Variants in PIEZO2 observed in about 807,000 individuals in gnomAD.
The protein encoded by PIEZO2 is piezo type mechanosensitive ion channel component 2, also known as piezo-type mechanosensitive ion channel component 2.
In PIEZO2, 172 loss-of-function variants were observed where a neutral mutation model predicts 337.3. The ratio of observed to expected loss-of-function variants is 0.51; its 90% CI spans 0.45 to 0.58. The LOEUF (loss-of-function observed/expected upper bound fraction) is 0.58. Ranked by LOEUF, PIEZO2 falls within the 20% of genes least tolerant of loss-of-function variation. The probability of loss-of-function intolerance (pLI) is 0.00; values close to 1 mark genes in which losing one functional copy is unlikely to be tolerated. For missense variants in PIEZO2, 3,028 were observed against 3,391.3 expected (o/e 0.89, Z 2.66); for synonymous variants, 1,251 against 1,228.5 (o/e 1.02, Z -0.38).
chr18:10,760,950 T>C lies in PIEZO2; in HGVS notation c.3411A>G (p.Lys1137=). 1 of 1,534,450 alleles carries C rather than the reference T, an allele frequency of 6.5e-7. No homozygotes were observed. The highest frequency in any genetic ancestry group is 2.4e-5 in the East Asian group (1 of 40,898). ...TGTAAAAGAAGTAATTAATGAAATA[T>C]TTGGCACAATTAATAAGTCCATCAT... ...HLDDGLINCA[K]YFINYFFYKF... is the part of the protein sequence containing the mutation. Residue 1137 remains lysine, a synonymous_variant, in exon 24 of 56, where the codon AAA becomes AAG. Coordinates refer to ENST00000674853, the MANE Select transcript of PIEZO2 (RefSeq NM_001378183.1).
chr18:10,874,575 A>G (rs965324540), intron 4 of PIEZO2, among the ~76,000 whole-genome samples: 3 of 152,192 alleles, frequency 2.0e-5, no homozygotes, highest in African/African-American at 7.2e-5. Flanking sequence ...GTGTCCATCA[A>G]CACTCAAGAA....
At chr18:10,891,858 GA>G (rs1418243010) in intron 4 of PIEZO2, among the ~76,000 whole-genome samples, 1 of 152,072 alleles carries the variant, frequency 6.6e-6, no homozygotes, top group African/African-American at 2.4e-5. Flanking sequence ...TAAAATAAAT[GA>G]AAATATAAAT....
intron 2 of PIEZO2, among the ~76,000 whole-genome samples, chr18:11,055,321 G>A (rs2037690092): frequency 6.6e-6 from 1 of 152,058 alleles, no homozygotes. Context: ...CTGAGTGGCA[G>A]GGTGTGCAAC....
In PIEZO2 at chr18:11,031,374, C is replaced by T. The variant is rs146715063; in HGVS notation, c.160+34753G>A. ...GTCTCCCCAGAAAACACATTTCCTA[C>T]GTCATTACTTTTGAAAGTATACTCC... On this transcript the variant is annotated intron_variant, in intron 2 of 55. Coordinates refer to ENST00000674853, the MANE Select transcript of PIEZO2 (RefSeq NM_001378183.1). This position sits in a 1 kb window ranked among gnomAD's most constrained non-coding sequence, Gnocchi z 4.7. Among the ~76,000 whole-genome samples, 5 of 151,982 alleles carry T rather than the reference C, an allele frequency of 3.3e-5. No homozygotes were observed. Among genetic ancestry groups the T allele is most frequent in the African/African-American group, 1.2e-4 (5 of 41,466 alleles).
At chr18:10,793,459 C>T (rs2039478496) in intron 13 of PIEZO2, among the ~76,000 whole-genome samples, 1 of 152,064 alleles carries the variant, frequency 6.6e-6, no homozygotes, top group Admixed American at 6.6e-5. Flanking sequence ...ATGTTTTCCT[C>T]CTAAAGAACT....
chr18:10,681,040 T>A (rs2034241619), intron 51 of PIEZO2, among the ~76,000 whole-genome samples: 1 of 152,362 alleles, frequency 6.6e-6, no homozygotes, highest in Middle Eastern at 3.4e-3. Flanking sequence ...ATAGCCTTTT[T>A]AAAATTTATG....
In PIEZO2 at chr18:11,035,463, A is replaced by T. The variant is rs1004674742; in HGVS notation, c.160+30664T>A. On this transcript the variant is annotated intron_variant, in intron 2 of 55. Coordinates refer to ENST00000674853, the MANE Select transcript of PIEZO2 (RefSeq NM_001378183.1). This position sits in a 1 kb window ranked among gnomAD's most constrained non-coding sequence, Gnocchi z 4.3. ...GTGCCGTGCTTGCACAGCCTGCAGG[A>T]CCATGAGTTAAATAAACCTGTTTCC... 1.3e-5 allele frequency among the ~76,000 whole-genome samples: 2 copies of T among 152,174 alleles called. No individual in the cohort carries two copies. Among genetic ancestry groups the T allele is most frequent in the Non-Finnish European group, 2.9e-5 (2 of 68,030 alleles).
intron 1 of PIEZO2, among the ~76,000 whole-genome samples, chr18:11,091,383 C>CAAAAAAAAAAAAAA (rs529307821): frequency 1.3e-5 from 1 of 77,860 alleles, no homozygotes; most frequent in African/African-American, 4.2e-5. Flanking sequence ...GACTCCGTCT[C>CAAAAAAAAAAAAAA]AAAAAAAAAA....
intron 10 of PIEZO2, among the ~76,000 whole-genome samples, chr18:10,800,910 A>G (rs1220839921): frequency 6.6e-6 from 1 of 152,220 alleles, no homozygotes; most frequent in Admixed American, 6.5e-5. Flanking sequence ...CCTATGCCCT[A>G]TGTGGCTCTG....
At chr18:10,722,149 CAAAAA>C (rs57201451) in intron 36 of PIEZO2, among the ~76,000 whole-genome samples, 9 of 125,400 alleles carry the variant, frequency 7.2e-5, no homozygotes, top group Admixed American at 1.8e-4. Flanking sequence ...GACTCCATCT[CAAAAA>C]AAAAAAAAAA....
intron 1 of PIEZO2, among the ~76,000 whole-genome samples, chr18:11,122,582 C>T (rs778160880): frequency 5.3e-5 from 8 of 151,926 alleles, no homozygotes; most frequent in Non-Finnish European, 7.4e-5. Context: ...AGAAAAAAAC[C>T]GAAGTTCTGA....
intron 47 of PIEZO2, among the ~76,000 whole-genome samples, chr18:10,693,356 T>TTGTGTGTGTGTGTG (rs1174582024): frequency 0.031 from 2,792 of 89,944 alleles, 72 homozygotes; most frequent in African/African-American, 0.075. Flanking sequence ...AATCTGGATT[T>TTGTGTGTGTGTGTG]TGTGTGTGTG....
intron 4 of PIEZO2, among the ~76,000 whole-genome samples, chr18:10,887,110 A>G (rs1373932991): frequency 8.4e-6 from 1 of 119,530 alleles, no homozygotes; most frequent in Non-Finnish European, 1.6e-5. Context: ...CGCTGTGTTG[A>G]CCAGACTGGA....
Position 10,834,667 on chromosome 18 carries a change from G to A in PIEZO2, c.917+20686C>T, listed in dbSNP as rs148210038. 1.7e-3 allele frequency among the ~76,000 whole-genome samples: 255 copies of A among 152,270 alleles called. 4 individuals carry two copies. The highest frequency in any genetic ancestry group is 5.8e-3 in the African/African-American group (239 of 41,554). ...ACTGTAGGAAGAAGAAGCCAAAGCC[G>A]CAGGAGGCTAGATCAGAGAGGAAGC... On this transcript the variant is annotated intron_variant, in intron 7 of 55. Coordinates refer to ENST00000674853, the MANE Select transcript of PIEZO2 (RefSeq NM_001378183.1). This position sits in a 1 kb window ranked among gnomAD's most constrained non-coding sequence, Gnocchi z 4.5.
rs777262000 is a variant in PIEZO2, at chr18:10,863,458, G to T, written c.493-6247C>A. Among the ~76,000 whole-genome samples the T allele has an allele frequency of 2.6e-5, 4 of 152,218 alleles. No individual in the cohort carries two copies. Among genetic ancestry groups the T allele is most frequent in the Non-Finnish European group, 5.9e-5 (4 of 68,044 alleles). On this transcript the variant is annotated intron_variant, in intron 5 of 55. Transcript: ENST00000674853. The surrounding 1 kb of genome is among the most constrained non-coding windows in gnomAD (Gnocchi z 4.3). ...CCCTATTTCATTTGGAAAAGTGAGT[G>T]TATAGATGTTGCTTTCAACCACCAT... is the stretch of plus-strand genomic sequence containing the variant.
chr18:10,954,422 A>C lies in PIEZO2; in HGVS notation c.286+25113T>G, dbSNP rs1486117957. Among the ~76,000 whole-genome samples, 1 of 152,334 alleles carries C rather than the reference A, an allele frequency of 6.6e-6. No individual in the cohort carries two copies. Among genetic ancestry groups the C allele is most frequent in the Admixed American group, 6.5e-5 (1 of 15,302 alleles). ...AGTATTTTTTGTATTATTGTACATA[A>C]CATTTTGTTAAAAAAGCTATTTCCA... On this transcript the variant is annotated intron_variant, in intron 3 of 55. Transcript: ENST00000674853. The surrounding 1 kb of genome is among the most constrained non-coding windows in gnomAD (Gnocchi z 4.2).
rs2033817643 is a variant in PIEZO2, at chr18:10,672,351, C to T, written c.8345+339G>A. ...TTCAAAAGCAGGATGTCTAATAGAT[C>T]CATCTGCTAAGGATTAGAAGGAAAT... On this transcript the variant is annotated intron_variant, in intron 55 of 55. Coordinates refer to ENST00000674853, the MANE Select transcript of PIEZO2 (RefSeq NM_001378183.1). The surrounding 1 kb of genome is among the most constrained non-coding windows in gnomAD (Gnocchi z 4.7). 6.6e-6 allele frequency among the ~76,000 whole-genome samples: 1 copy of T among 152,096 alleles called. No individual in the cohort carries two copies.
intron 7 of PIEZO2, among the ~76,000 whole-genome samples, chr18:10,826,014 C>A (rs994620317): frequency 1.3e-5 from 2 of 152,232 alleles, no homozygotes; most frequent in Non-Finnish European, 2.9e-5. Flanking sequence ...TATAAACTCA[C>A]AATATGCATT....
Position 10,878,972 on chromosome 18 carries a change from G to A in PIEZO2, c.330-7557C>T, listed in dbSNP as rs1438836695. On this transcript the variant is annotated intron_variant, in intron 4 of 55. Coordinates refer to ENST00000674853, the MANE Select transcript of PIEZO2 (RefSeq NM_001378183.1). This position sits in a 1 kb window ranked among gnomAD's most constrained non-coding sequence, Gnocchi z 4.3. Reference sequence around the variant, plus strand: ...GCAGAGGTGAGACTTTAAACTGAAAGCCACATGGAGTTTGTGCCTGGGAGC... The same window carrying A: ...GCAGAGGTGAGACTTTAAACTGAAAACCACATGGAGTTTGTGCCTGGGAGC... Among the ~76,000 whole-genome samples the A allele has an allele frequency of 6.6e-6, 1 of 152,178 alleles. No individual in the cohort carries two copies. Among genetic ancestry groups the A allele is most frequent in the African/African-American group, 2.4e-5 (1 of 41,432 alleles).
Sources: allele counts gnomAD v4.1 joint callset (sites outside exome capture counted in the v4.1 genomes callset), GRCh38; gene constraint gnomAD v4.1.1; non-coding constraint Gnocchi (gnomAD v3.1); transcripts MANE v1.5; gene names NCBI Gene and HGNC (gene_info 2026-07-23, HGNC 2026-07-21).